Variants in MAGI1 observed in about 807,000 individuals in gnomAD.
MAGI1 encodes the protein membrane associated guanylate kinase, WW and PDZ domain containing 1.
In MAGI1, 58 loss-of-function variants were observed where a neutral mutation model predicts 139.9. The ratio of observed to expected loss-of-function variants is 0.41; its 90% CI spans 0.34 to 0.52. The LOEUF (loss-of-function observed/expected upper bound fraction) is 0.52, where lower values mean the gene tolerates loss of function less well. Among genes scored for constraint, MAGI1 ranks in the 20% least tolerant of loss-of-function variants. MAGI1 has a pLI of 0.12. For missense variants in MAGI1, 1,874 were observed against 1,901.6 expected, an observed-to-expected ratio of 0.99 and a Z score of 0.27; for synonymous variants, 812 against 737.9, an observed-to-expected ratio of 1.10 and a Z score of -1.63.
intron 5 of MAGI1, among the ~76,000 whole-genome samples, chr3:65,457,513 A>G (rs1300260351): frequency 2.0e-5 from 3 of 152,206 alleles, no homozygotes; most frequent in Non-Finnish European, 4.4e-5. Flanking sequence ...AGCATTTTAT[A>G]GTTTACAGTA....
At chr3:65,917,592 T>C (rs2061965008) in intron 1 of MAGI1, among the ~76,000 whole-genome samples, 1 of 152,114 alleles carries the variant, frequency 6.6e-6, no homozygotes, top group African/African-American at 2.4e-5. Flanking sequence ...GACAAGGCAA[T>C]ATGATTCAAC....
chr3:65,588,189 T>C (rs1395698571), intron 2 of MAGI1, among the ~76,000 whole-genome samples: 1 of 152,216 alleles, frequency 6.6e-6, no homozygotes, highest in Non-Finnish European at 1.5e-5. Flanking sequence ...TGCCGGAAAC[T>C]CTATGCTCCT....
chr3:65,712,593 A>G (rs1160825330), intron 1 of MAGI1, among the ~76,000 whole-genome samples: 3 of 151,542 alleles, frequency 2.0e-5, no homozygotes, highest in Admixed American at 1.3e-4. Context: ...GCTCACTACA[A>G]CCTCTGCCCC....
chr3:65,402,709 T>C (rs543327928), intron 12 of MAGI1, among the ~76,000 whole-genome samples: 2 of 152,012 alleles, frequency 1.3e-5, no homozygotes, highest in Admixed American at 1.3e-4. Flanking sequence ...ACAAGTAATA[T>C]GAGGCGAGGC....
chr3:65,597,638 G>A (rs758454458), intron 2 of MAGI1: 3 of 455,238 alleles, frequency 6.6e-6, no homozygotes, highest in South Asian at 3.1e-5. Context: ...ACCACACACG[G>A]CATCTTCACC....
At chr3:65,436,018 T>C (rs763760610) in intron 10 of MAGI1, among the ~76,000 whole-genome samples, 15 of 152,200 alleles carry the variant, frequency 9.9e-5, no homozygotes, top group Non-Finnish European at 2.2e-4. Context: ...CACAGTCATG[T>C]TGATACTAAT....
intron 2 of MAGI1, among the ~76,000 whole-genome samples, chr3:65,554,878 A>T (rs1371025828): frequency 1.3e-5 from 2 of 152,234 alleles, no homozygotes; most frequent in Admixed American, 1.3e-4. Flanking sequence ...AAGATATGCA[A>T]TGTGAGACAC....
chr3:65,766,006 T>G (rs942569767), intron 1 of MAGI1, among the ~76,000 whole-genome samples: 1 of 152,236 alleles, frequency 6.6e-6, no homozygotes, highest in African/African-American at 2.4e-5. Flanking sequence ...TTCTTCTCCC[T>G]GCTTATTAAG....
At chr3:65,827,479 G>A (rs950932519) in intron 1 of MAGI1, among the ~76,000 whole-genome samples, 5 of 152,162 alleles carry the variant, frequency 3.3e-5, no homozygotes, top group Non-Finnish European at 7.3e-5. Flanking sequence ...TTAGCAAAAT[G>A]ACATAATGCC....
At chr3:65,565,821 C>T (rs1021351782) in intron 2 of MAGI1, among the ~76,000 whole-genome samples, 7 of 144,304 alleles carry the variant, frequency 4.9e-5, no homozygotes, top group Non-Finnish European at 1.0e-4. Context: ...CGCATCACTG[C>T]ACTCCAGACT....
intron 12 of MAGI1, among the ~76,000 whole-genome samples, chr3:65,429,058 C>A (rs1443504877): frequency 6.6e-6 from 1 of 151,990 alleles, no homozygotes; most frequent in African/African-American, 2.4e-5. Flanking sequence ...GTGACCATAG[C>A]CACATTTTGC....
At chr3:65,675,963 C>T (rs916265427) in intron 1 of MAGI1, among the ~76,000 whole-genome samples, 7 of 152,122 alleles carry the variant, frequency 4.6e-5, no homozygotes, top group East Asian at 1.9e-4. Flanking sequence ...CCTTGTTTGA[C>T]GACTTTAAGC....
intron 1 of MAGI1, among the ~76,000 whole-genome samples, chr3:65,910,855 C>CTTTTTTTGTTTTTTTTTTTTTT (rs2061634666): frequency 1.7e-5 from 1 of 59,482 alleles, no homozygotes; most frequent in Non-Finnish European, 2.7e-5. Flanking sequence ...ACATGGTGGA[C>CTTTTTTTGTTTTTTTTTTTTTT]TTTTTTTTTT....
chr3:65,932,330 C>G (rs1228473173), intron 1 of MAGI1, among the ~76,000 whole-genome samples: 1 of 152,116 alleles, frequency 6.6e-6, no homozygotes, highest in Non-Finnish European at 1.5e-5. Context: ...CCACTGCACT[C>G]CAGCCTAAGC....
At chr3:65,843,655 C>T (rs941839731) in intron 1 of MAGI1, among the ~76,000 whole-genome samples, 9 of 152,274 alleles carry the variant, frequency 5.9e-5, no homozygotes, top group Admixed American at 1.3e-4. Context: ...TTCTTCATTT[C>T]GCTCTCCTCA....
chr3:65,514,547 C>G (rs1486411042), intron 2 of MAGI1, among the ~76,000 whole-genome samples: 3 of 149,532 alleles, frequency 2.0e-5, no homozygotes, highest in Non-Finnish European at 4.4e-5. Flanking sequence ...AGCCAAAAAA[C>G]ACATGAAAAA....
chr3:65,622,613 G>C (rs191138805), intron 1 of MAGI1, among the ~76,000 whole-genome samples: 22 of 151,826 alleles, frequency 1.4e-4, no homozygotes, highest in Non-Finnish European at 2.4e-4. Context: ...ACCCAGGCTG[G>C]AGTGCGATGG....
chr3:65,810,411 G>C (rs548172025), intron 1 of MAGI1, among the ~76,000 whole-genome samples: 1 of 152,236 alleles, frequency 6.6e-6, no homozygotes, highest in Non-Finnish European at 1.5e-5. Context: ...ACTTCCAAAA[G>C]GTTATTTTAA....
intron 1 of MAGI1, among the ~76,000 whole-genome samples, chr3:65,684,364 T>C (rs2087840260): frequency 6.6e-6 from 1 of 152,136 alleles, no homozygotes; most frequent in East Asian, 1.9e-4. Context: ...CAAGATGTCC[T>C]TCAACAGGTA....
Sources: allele counts gnomAD v4.1 joint callset (sites outside exome capture counted in the v4.1 genomes callset), GRCh38; gene constraint gnomAD v4.1.1; transcripts MANE v1.5; gene names NCBI Gene and HGNC (gene_info 2026-07-23, HGNC 2026-07-21).